CASZ1: variants seen among roughly 807,000 people sequenced by gnomAD.
CASZ1 encodes the protein castor zinc finger 1.
Under a neutral mutation model 135.2 loss-of-function variants are expected in CASZ1, and 28 were observed. That is an observed-to-expected ratio of 0.21 (90% confidence interval 0.15 to 0.28). CASZ1 has a LOEUF of 0.28. Ranked by LOEUF, CASZ1 falls within the 10% of genes least tolerant of loss-of-function variation. CASZ1 has a pLI of 1.00. For missense variants in CASZ1, 2,161 were observed against 2,453.3 expected (o/e 0.88, Z 2.52); for synonymous variants, 1,068 against 1,073.4 (o/e 0.99, Z 0.10).
intron 4 of CASZ1, among the ~76,000 whole-genome samples, chr1:10,670,025 G>T (rs149534519): frequency 6.6e-6 from 1 of 152,320 alleles, no homozygotes; most frequent in African/African-American, 2.4e-5. Flanking sequence ...CCCTTTGGGC[G>T]GCCTAATGCC....
intron 2 of CASZ1, among the ~76,000 whole-genome samples, chr1:10,744,055 G>C (rs137952110): frequency 6.6e-6 from 1 of 151,942 alleles, no homozygotes; most frequent in Non-Finnish European, 1.5e-5. Flanking sequence ...TTGGAAACTC[G>C]GGCACTCTCT....
Position 10,639,265 on chromosome 1 carries a change from C to T in CASZ1, c.4957G>A (p.Asp1653Asn). ...TCGCGCGGCCCGGGGGCGGCGGCGT[C>T]GGGCGGGCCGGGGTCGCCCGCGTCG... ...LGDAGDPGPP[D>N]AAAPGPREGA... Residue 1653 changes from aspartate (D) to asparagine (N), a missense_variant, in exon 21 of 21, where the codon GAC becomes AAC. This residue lies in a region of CASZ1 where 185 missense variants were observed against 134.7 expected (regional missense o/e 1.37). Coordinates refer to ENST00000377022, the MANE Select transcript of CASZ1 (RefSeq NM_001079843.3). This position sits in a 1 kb window ranked among gnomAD's most constrained non-coding sequence, Gnocchi z 4.0. 1 of 999,376 alleles carries T rather than the reference C, an allele frequency of 1.0e-6. No homozygotes were observed. Among genetic ancestry groups the T allele is most frequent in the Admixed American group, 6.0e-5 (1 of 16,784 alleles). The allele number at this position is 999,376 out of a possible 1,614,324, so 61.9% of individuals were successfully genotyped here. A position where few individuals can be genotyped will look rare whatever the true frequency, so the allele number is the denominator to read the frequency against.
rs754122507 is a variant in CASZ1, at chr1:10,639,110, CTCGTCG to C, written c.5106_5111del (p.Asp1702_Asp1703del). The C allele has an allele frequency of 4.0e-5, 46 of 1,149,700 alleles. No individual in the cohort carries two copies. The highest frequency in any genetic ancestry group is 3.4e-4 in the African/African-American group (20 of 59,414). The allele number at this position is 1,149,700 out of a possible 1,614,324, so 71.2% of individuals were successfully genotyped here. On this transcript the variant is annotated inframe_deletion, in exon 21 of 21. Coordinates refer to ENST00000377022, the MANE Select transcript of CASZ1 (RefSeq NM_001079843.3). This position sits in a 1 kb window ranked among gnomAD's most constrained non-coding sequence, Gnocchi z 4.0. Reference sequence around the variant, plus strand: ...CGTCGTCGTCGTCCTCGTCGTCGTCCTCGTCGTCGTCGTCCTCGTCGTCGTCCTCGT... The same window carrying C: ...CGTCGTCGTCGTCCTCGTCGTCGTCCTCGTCGTCCTCGTCGTCGTCCTCGT...
chr1:10,752,171 T>G (rs1170857595), intron 2 of CASZ1, among the ~76,000 whole-genome samples: 1 of 152,190 alleles, frequency 6.6e-6, no homozygotes, highest in Non-Finnish European at 1.5e-5. Flanking sequence ...CCAAAGGTCC[T>G]GGAACACAGA....
At chr1:10,688,422 T>C (rs907464255) in intron 4 of CASZ1, among the ~76,000 whole-genome samples, 10 of 152,136 alleles carry the variant, frequency 6.6e-5, no homozygotes, top group Non-Finnish European at 1.3e-4. Context: ...GCAAGAGTTC[T>C]GCTCTTGGAG....
In CASZ1 at chr1:10,727,798, T is replaced by C. The variant is rs1201904171; in HGVS notation, c.-76-22254A>G. Among the ~76,000 whole-genome samples, 2 of 152,166 alleles carry C rather than the reference T, an allele frequency of 1.3e-5. No individual in the cohort carries two copies. Among genetic ancestry groups the C allele is most frequent in the Admixed American group, 1.3e-4 (2 of 15,290 alleles). The stretch of plus-strand genomic sequence containing the variant: ...AGCTGCCAGGGCTGCCCTCAGCCCT[T>C]GCCCAGACTGTGCCGACCTGGGAAC... On this transcript the variant is annotated intron_variant, in intron 2 of 20. Transcript: ENST00000377022. This position sits in a 1 kb window ranked among gnomAD's most constrained non-coding sequence, Gnocchi z 5.3.
chr1:10,779,681 T>C lies in CASZ1; in HGVS notation c.-234+16883A>G, dbSNP rs563203259. On this transcript the variant is annotated intron_variant, in intron 1 of 20. Transcript: ENST00000377022. The stretch of plus-strand genomic sequence containing the variant: ...TTCTACAGAAGCATTTGGATTTTTA[T>C]ATAGTTTCTCTCGCAGCGTTCACAG... Among the ~76,000 whole-genome samples the C allele has an allele frequency of 2.9e-3, 438 of 152,370 alleles. 2 individuals are homozygous for C. The highest frequency in any genetic ancestry group is 9.6e-3 in the African/African-American group (401 of 41,584).
At chr1:10,761,059 C>T (rs970917316) in intron 1 of CASZ1, among the ~76,000 whole-genome samples, 34 of 152,384 alleles carry the variant, frequency 2.2e-4, no homozygotes, top group African/African-American at 7.0e-4. Flanking sequence ...CTGCAACCAA[C>T]GCACCCTTCG....
At chr1:10,746,083 G>C (rs1472020903) in intron 2 of CASZ1, among the ~76,000 whole-genome samples, 3 of 152,256 alleles carry the variant, frequency 2.0e-5, no homozygotes, top group Non-Finnish European at 4.4e-5. Flanking sequence ...GTCAACAGAT[G>C]ACCTGCCTGT....
At chr1:10,749,931 C>T (rs1004452060) in intron 2 of CASZ1, among the ~76,000 whole-genome samples, 2 of 152,182 alleles carry the variant, frequency 1.3e-5, no homozygotes, top group African/African-American at 4.8e-5. Flanking sequence ...GTCTCCGGAG[C>T]ATCACAGACA....
chr1:10,674,748 C>T (rs939382785), intron 4 of CASZ1, among the ~76,000 whole-genome samples: 4 of 152,214 alleles, frequency 2.6e-5, no homozygotes, highest in African/African-American at 4.8e-5. Context: ...AGTTCAGCCC[C>T]GTGTGGCCCT....
intron 2 of CASZ1, among the ~76,000 whole-genome samples, chr1:10,732,764 C>A (rs115623817): frequency 6.6e-6 from 1 of 152,142 alleles, no homozygotes; most frequent in African/African-American, 2.4e-5. Flanking sequence ...GTGCAGGGGA[C>A]GTGGGATCCA....
chr1:10,746,487 G>A (rs755805475), intron 2 of CASZ1, among the ~76,000 whole-genome samples: 2 of 152,220 alleles, frequency 1.3e-5, no homozygotes, highest in African/African-American at 4.8e-5. Flanking sequence ...CCAGAGGAAG[G>A]AGTCTGCGCG....
chr1:10,698,648 T>A (rs1638994614), intron 3 of CASZ1, among the ~76,000 whole-genome samples: 1 of 152,158 alleles, frequency 6.6e-6, no homozygotes, highest in South Asian at 2.1e-4. Flanking sequence ...CATCACTGCC[T>A]ACTTGTCCAG....
intron 4 of CASZ1, among the ~76,000 whole-genome samples, chr1:10,692,989 A>T (rs1467076272): frequency 6.6e-6 from 1 of 152,226 alleles, no homozygotes; most frequent in African/African-American, 2.4e-5. Flanking sequence ...ATTTGGTTTC[A>T]ATAGCCAGGG....
intron 5 of CASZ1, among the ~76,000 whole-genome samples, chr1:10,662,062 A>AACAC (rs142574459): frequency 0.27 from 40,668 of 150,812 alleles, 6,181 homozygotes; most frequent in African/African-American, 0.41. Flanking sequence ...AATCACCTAT[A>AACAC]ACACACACGC....
chr1:10,695,518 A>T (rs866774643), intron 3 of CASZ1, among the ~76,000 whole-genome samples: 5 of 144,500 alleles, frequency 3.5e-5, no homozygotes, highest in Admixed American at 6.9e-5. Context: ...CGCTCAGTAG[A>T]GCACAGGCAC....
At chr1:10,683,611 C>T (rs1474960612) in intron 4 of CASZ1, among the ~76,000 whole-genome samples, 1 of 152,184 alleles carries the variant, frequency 6.6e-6, no homozygotes, top group Non-Finnish European at 1.5e-5. Flanking sequence ...GGAGAATGCC[C>T]GTTCGGTTAG....
In CASZ1 at chr1:10,660,101, A is replaced by G; in HGVS notation, c.941T>C (p.Phe314Ser). ...GCCGGTCTTCAGTTTTTGGATGAAG[A>G]AGTCGTACTTGGAGGCCCGGGCTAC... ...NLVARASKYD[F>S]FIQKLKTGEN... Residue 314 changes from phenylalanine to serine, a missense_variant, in exon 6 of 21, where the codon TTC (phenylalanine) becomes TCC (serine). Physicochemically the swap from Phe to Ser is radical, Grantham distance 155. Coordinates refer to ENST00000377022, the MANE Select transcript of CASZ1 (RefSeq NM_001079843.3). The G allele has an allele frequency of 6.2e-7, 1 of 1,614,080 alleles. No individual in the cohort carries two copies. The highest frequency in any genetic ancestry group is 8.5e-7 in the Non-Finnish European group (1 of 1,179,990).
Sources: allele counts gnomAD v4.1 joint callset (sites outside exome capture counted in the v4.1 genomes callset), GRCh38; gene constraint gnomAD v4.1.1; regional missense constraint gnomAD v4.1.1; non-coding constraint Gnocchi (gnomAD v3.1); transcripts MANE v1.5; gene names NCBI Gene and HGNC (gene_info 2026-07-23, HGNC 2026-07-21).